The following AKAP12 variants were observed in gnomAD, a reference collection of about 807,000 sequenced individuals.
AKAP12 encodes A-kinase anchor protein 12.
Under a neutral mutation model 79.9 loss-of-function variants are expected in AKAP12, and 32 were observed. That is an observed-to-expected ratio of 0.40 (90% CI 0.30 to 0.54). AKAP12 has a LOEUF of 0.54. Among genes scored for constraint, AKAP12 ranks in the 20% least tolerant of loss-of-function variants. The probability of loss-of-function intolerance (pLI) is 0.48; values close to 1 mark genes in which losing one functional copy is unlikely to be tolerated. For missense variants in AKAP12, 2,074 were observed against 2,177.0 expected, an observed-to-expected ratio of 0.95 and a Z score of 0.94; for synonymous variants, 808 against 857.0, an observed-to-expected ratio of 0.94 and a Z score of 1.00.
chr6:151,255,172 G>T (rs1174480246), intron 2 of AKAP12, among the ~76,000 whole-genome samples: 3 of 149,154 alleles, frequency 2.0e-5, no homozygotes, highest in Non-Finnish European at 4.5e-5. Flanking sequence ...AAATGTTTTT[G>T]TTTTTTTTTT....
chr6:151,324,700 A>T, intron 3 of AKAP12: 1 of 985,422 alleles, frequency 1.0e-6, no homozygotes, highest in Non-Finnish European at 1.2e-6. Flanking sequence ...TAGGGAAAGG[A>T]TGAAAGAAGG....
At chr6:151,329,238 C>A (rs1777609808) in intron 3 of AKAP12, among the ~76,000 whole-genome samples, 1 of 152,252 alleles carries the variant, frequency 6.6e-6, no homozygotes, top group Admixed American at 6.5e-5. Context: ...GCCTCAGCCT[C>A]CCAAGCAGCT....
rs1778330344 is a variant in AKAP12, at chr6:151,352,724, G to A, written c.4333G>A (p.Glu1445Lys). 1 of 1,614,082 alleles carries A rather than the reference G, an allele frequency of 6.2e-7. No individual in the cohort carries two copies. Among genetic ancestry groups the A allele is most frequent in the South Asian group, 1.1e-5 (1 of 91,088 alleles). The part of the protein sequence containing the change: ...ANILETGETL[E>K]PAGAHLVLEE... The stretch of plus-strand genomic sequence containing the variant: ...CATTTTAGAAACAGGTGAAACGTTG[G>A]AGCCTGCAGGTGCACATTTAGTTCT... The change falls in exon 4 of 5, where the codon GAG becomes AAG. Residue 1445 changes from glutamate (E) to lysine (K), a missense_variant. Glu to Lys is a moderately conservative substitution (Grantham distance 56). Transcript: ENST00000402676.
chr6:151,240,355 C>A (rs901706755), intron 1 of AKAP12, 29 bp from the exon 2 acceptor site: 12 of 455,834 alleles, frequency 2.6e-5, no homozygotes, highest in Non-Finnish European at 3.6e-5. Flanking sequence ...TAAGAGGTGG[C>A]CTTTTTTTTT....
At chr6:151,324,928 A>G in intron 3 of AKAP12, 1 of 985,444 alleles carries the variant, frequency 1.0e-6, no homozygotes, top group Non-Finnish European at 1.2e-6. Context: ...GTGTGCTTGC[A>G]TGTTAGAGAT....
intron 2 of AKAP12, among the ~76,000 whole-genome samples, chr6:151,262,917 T>C (rs1384247854): frequency 6.6e-6 from 1 of 152,180 alleles, no homozygotes; most frequent in Admixed American, 6.5e-5. Context: ...ACTTCAAATC[T>C]AAGGTTTTCT....
intron 3 of AKAP12, among the ~76,000 whole-genome samples, chr6:151,314,214 A>G (rs1777187202): frequency 1.3e-5 from 2 of 151,916 alleles, no homozygotes; most frequent in Non-Finnish European, 2.9e-5. Context: ...TTTAGTAGAG[A>G]TGGGGTTTTG....
At chr6:151,323,286 C>T (rs954796696) in intron 3 of AKAP12, among the ~76,000 whole-genome samples, 2 of 152,208 alleles carry the variant, frequency 1.3e-5, no homozygotes, top group African/African-American at 4.8e-5. Context: ...CGCAGTGGCT[C>T]ATGCCTGTAG....
intron 3 of AKAP12, chr6:151,325,975 T>G: frequency 6.3e-7 from 1 of 1,590,362 alleles, no homozygotes. Context: ...GAGCGTTTGG[T>G]GGGGAGCCCG....
In AKAP12 at chr6:151,291,770, G is replaced by A. The variant is rs145491951; in HGVS notation, c.163-13977G>A. The stretch of plus-strand genomic sequence containing the variant: ...TTAATGAGTTTTTTAAGTAACCGAT[G>A]GATGCCACAGTGTATAGGAAACTTT... On this transcript the variant is annotated intron_variant, in intron 2 of 4. Transcript: ENST00000402676. Among the ~76,000 whole-genome samples, 602 of 152,322 alleles carry A rather than the reference G, an allele frequency of 4.0e-3. 7 individuals are homozygous for A. The Middle Eastern group carries it at 0.044, about 11-fold the overall frequency.
At chr6:151,311,479 T>C (rs1777098707) in intron 3 of AKAP12, among the ~76,000 whole-genome samples, 1 of 152,146 alleles carries the variant, frequency 6.6e-6, no homozygotes, top group Non-Finnish European at 1.5e-5. Flanking sequence ...TGTGTGCACG[T>C]GGACCGCCAC....
At chr6:151,307,914 G>T (rs532317162) in intron 3 of AKAP12, among the ~76,000 whole-genome samples, 2 of 152,268 alleles carry the variant, frequency 1.3e-5, no homozygotes, top group Admixed American at 1.3e-4. Context: ...GCCCAGGCTG[G>T]AGTGCAGTGG....
chr6:151,314,423 A>G (rs1777192598), intron 3 of AKAP12, among the ~76,000 whole-genome samples: 1 of 152,228 alleles, frequency 6.6e-6, no homozygotes, highest in Non-Finnish European at 1.5e-5. Flanking sequence ...ATATCTTGAA[A>G]CATAATCCTC....
At chr6:151,246,297 A>T (rs1051555613) in intron 2 of AKAP12, among the ~76,000 whole-genome samples, 1 of 152,178 alleles carries the variant, frequency 6.6e-6, no homozygotes, top group Non-Finnish European at 1.5e-5. Context: ...AGGTGCCTGT[A>T]ATCCCAGCTA....
intron 3 of AKAP12, among the ~76,000 whole-genome samples, chr6:151,345,426 T>G (rs13202974): frequency 0.68 from 103,254 of 151,704 alleles, 35,700 homozygotes; most frequent in Non-Finnish European, 0.74. Flanking sequence ...GTATATTTTT[T>G]CAGGTTTTGT....
chr6:151,259,468 A>G (rs572043790), intron 2 of AKAP12, among the ~76,000 whole-genome samples: 1,527 of 135,334 alleles, frequency 0.011, 30 homozygotes, highest in African/African-American at 0.044. Flanking sequence ...ACATATATAC[A>G]TGTATATATA....
chr6:151,252,805 C>T (rs932705232), intron 2 of AKAP12, among the ~76,000 whole-genome samples: 1 of 151,004 alleles, frequency 6.6e-6, no homozygotes, highest in African/African-American at 2.4e-5. Flanking sequence ...GTTGGCAGAT[C>T]GTGATGGCAT....
In AKAP12 at chr6:151,295,715, T is replaced by C. The variant is rs543020623; in HGVS notation, c.163-10032T>C. Among the ~76,000 whole-genome samples, 306 of 152,322 alleles carry C rather than the reference T, an allele frequency of 2.0e-3. 1 individual carries two copies. Among genetic ancestry groups the C allele is most frequent in the African/African-American group, 7.2e-3 (300 of 41,576 alleles). ...CAATCAGGTATTGAAAGTGGATAAATGTTGCTGTTGGGTGAATAGCTCCTA... is the reference window on the plus strand; with the variant it reads ...CAATCAGGTATTGAAAGTGGATAAACGTTGCTGTTGGGTGAATAGCTCCTA... On this transcript the variant is annotated intron_variant, in intron 2 of 4. Transcript: ENST00000402676.
rs749002583 is a variant in AKAP12 at position 151,350,354 on chromosome 6, G to C, written c.1963G>C (p.Glu655Gln). 1 of 1,613,902 alleles carries C rather than the reference G, an allele frequency of 6.2e-7. No individual in the cohort carries two copies. The highest frequency in any genetic ancestry group is 1.7e-5 in the Admixed American group (1 of 60,002). ...CGAGAGCACAGCCTCTGAAATGCAA[G>C]AAGAAATGAAAGGGAGCGTGGAAGA... ...STESTASEMQ[E>Q]EMKGSVEEPK... Residue 655 changes from glutamate to glutamine, a missense_variant, in exon 4 of 5, where the codon GAA becomes CAA. Glu to Gln is a conservative substitution (Grantham distance 29). Coordinates refer to ENST00000402676, the MANE Select transcript of AKAP12 (RefSeq NM_005100.4). This position sits in a 1 kb window ranked among gnomAD's most constrained non-coding sequence, Gnocchi z 4.8.
Sources: gnomAD v4.1 joint callset for allele counts (sites outside exome capture counted in the v4.1 genomes callset) on GRCh38, gnomAD v4.1.1 for gene constraint, Gnocchi (gnomAD v3.1) non-coding constraint, MANE v1.5 for transcripts, NCBI Gene and HGNC (gene_info 2026-07-23, HGNC 2026-07-21) for gene names.